DCXR: variants seen among roughly 807,000 people sequenced by gnomAD.
The protein encoded by DCXR is dicarbonyl and L-xylulose reductase, also known as L-xylulose reductase.
In DCXR, 24 loss-of-function variants were observed where a neutral mutation model predicts 25.9. That is an observed-to-expected ratio of 0.93 (90% CI 0.67 to 1.30). The LOEUF (loss-of-function observed/expected upper bound fraction) is 1.30. Among genes scored for constraint, DCXR ranks in the 50% most tolerant of loss-of-function variants. The pLI is 0.00. For missense variants in DCXR, 348 were observed against 333.7 expected (o/e 1.04, Z -0.33); for synonymous variants, 161 against 141.7 (o/e 1.14, Z -0.97).
chr17:82,036,835 G>A lies in DCXR; in HGVS notation c.305+24C>T, dbSNP rs370766420. ...TCCTCCAGGACAGCCCCTCCCTGAG[G>A]TTCCTCCGCCCTCACAGGCTCACCT... On this transcript the variant is annotated intron_variant, in intron 3 of 7. Coordinates refer to ENST00000306869, the MANE Select transcript of DCXR (RefSeq NM_016286.4). 1.3e-4 allele frequency: 216 copies of A among 1,613,450 alleles called. 1 individual carries two copies. In the African/African-American group the frequency reaches 2.8e-3, roughly 21 times the overall value.
Position 82,037,505 on chromosome 17 carries a change from G to C in DCXR, c.95C>G (p.Ala32Gly), listed in dbSNP as rs971293117. ...AGTCCGGCTCACAGCCACCACCCGC[G>C]CGCCCGTCGCGTGCAGCGCCTGGAC... ...GTVQALHATG[A>G]RVVAVSRTQA... Residue 32 changes from alanine to glycine, a missense_variant, in exon 2 of 8, where the codon GCG becomes GGG. Physicochemically the swap from Ala to Gly is moderately conservative, Grantham distance 60. Transcript: ENST00000306869. The C allele has an allele frequency of 1.9e-6, 3 of 1,540,082 alleles. No individual in the cohort carries two copies. The East Asian group carries it at 7.3e-5, about 38-fold the overall frequency.
intron 2 of DCXR, 178 bp downstream of exon 2, chr17:82,037,272 C>T (rs185471269): frequency 3.5e-5 from 32 of 912,854 alleles, no homozygotes; most frequent in East Asian, 1.9e-4. Flanking sequence ...CTCTGCCGAC[C>T]ACCCGGCCGC....
Position 82,037,366 on chromosome 17 carries a change from G to C in DCXR, c.150+84C>G, listed in dbSNP as rs547570842. 192 of 1,361,728 alleles carry C rather than the reference G, an allele frequency of 1.4e-4. 4 individuals carry two copies. The South Asian group carries it at 2.4e-3, about 17-fold the overall frequency. The allele number at this position is 1,361,728 out of a possible 1,614,324, so 84.4% of individuals were successfully genotyped here. A position where few individuals can be genotyped will look rare whatever the true frequency, so the allele number is the denominator to read the frequency against. On this transcript the variant is annotated intron_variant, in intron 2 of 7. Transcript: ENST00000306869. ...CGCAGCGCCCGCGAGGGGAGGCGGA[G>C]TCGCGCACAGAGGTACCGCCCCCGC...
Position 82,036,740 on chromosome 17 carries a change from G to T in DCXR, c.329C>A (p.Ala110Glu), listed in dbSNP as rs771131569. Residue 110 changes from alanine (A) to glutamate (E), a missense_variant, in exon 4 of 8, where the codon GCG becomes GAG. Physicochemically the swap from Ala to Glu is moderately radical, Grantham distance 107. Coordinates refer to ENST00000306869, the MANE Select transcript of DCXR (RefSeq NM_016286.4). The part of the protein sequence containing the change: ...FDRSFEVNLR[A>E]VIQVSQIVAR... ...GCTCACCTGCGACACCTGGATGACC[G>T]CACGCAGGTTCACCTCAAAGGATCT... 4.3e-6 allele frequency: 7 copies of T among 1,613,476 alleles called. No individual in the cohort carries two copies. The highest frequency in any genetic ancestry group is 5.1e-6 in the Non-Finnish European group (6 of 1,179,972).
rs781551153 is a variant in DCXR at position 82,036,305 on chromosome 17, G to A, written c.517C>T (p.Arg173Ter). The A allele has an allele frequency of 1.6e-5, 22 of 1,403,472 alleles. No individual in the cohort carries two copies. The highest frequency in any genetic ancestry group is 2.8e-5 in the East Asian group (1 of 36,356). The allele number at this position is 1,403,472 out of a possible 1,614,324, so 86.9% of individuals were successfully genotyped here. ...MALELGPHKI[R>*]VNAVNPTVVM... Reference sequence around the variant, plus strand: ...ACTGTGGGGTTTACTGCATTCACTCGGATCTACACCGGGACAGCTGGGGTC... The same window carrying A: ...ACTGTGGGGTTTACTGCATTCACTCAGATCTACACCGGGACAGCTGGGGTC... The change falls in exon 7 of 8, where the codon CGA becomes TGA. Residue 173 changes from arginine to a stop codon, truncating the protein, a stop_gained. Coordinates refer to ENST00000306869, the MANE Select transcript of DCXR (RefSeq NM_016286.4). LOFTEE classifies it high-confidence loss of function.
chr17:82,036,344 G>C lies in DCXR; in HGVS notation c.514-36C>G. The C allele has an allele frequency of 3.1e-6, 5 of 1,613,186 alleles. No individual in the cohort carries two copies. In the South Asian group the frequency reaches 5.5e-5, roughly 18 times the overall value. On this transcript the variant is annotated intron_variant, in intron 6 of 7. Coordinates refer to ENST00000306869, the MANE Select transcript of DCXR (RefSeq NM_016286.4). ...ACAGCTGGGGTCAGCAGGGCAAGTG[G>C]GGTGTCCTAGGTTGGGGGAGGTACC...
In DCXR at chr17:82,037,558, C is replaced by T; in HGVS notation, c.53-11G>A. The T allele has an allele frequency of 6.5e-7, 1 of 1,544,000 alleles. No homozygotes were observed. On this transcript the variant is annotated splice_polypyrimidine_tract_variant and intron_variant, in intron 1 of 7. Coordinates refer to ENST00000306869, the MANE Select transcript of DCXR (RefSeq NM_016286.4). The stretch of plus-strand genomic sequence containing the variant: ...TGCCGCGCCCTATACCTGCCGGGAG[C>T]GGGCTCAGTGAAGGCGTCCCCTGCC...
Position 82,036,739 on chromosome 17 carries a change from C to T in DCXR, c.330G>A (p.Ala110=), listed in dbSNP as rs369458736. 3.7e-5 allele frequency: 60 copies of T among 1,613,458 alleles called. No homozygotes were observed. The highest frequency in any genetic ancestry group is 6.7e-5 in the African/African-American group (5 of 74,882). ...FDRSFEVNLR[A]VIQVSQIVAR... is the part of the protein sequence containing the mutation. ...AGCTCACCTGCGACACCTGGATGAC[C>T]GCACGCAGGTTCACCTCAAAGGATC... The change falls in exon 4 of 8, where the codon GCG becomes GCA. Residue 110 remains alanine (A), a synonymous_variant. Transcript: ENST00000306869.
rs371112705 is a variant in DCXR, at chr17:82,036,763, T to C, written c.306A>G (p.Arg102=). The C allele has an allele frequency of 1.9e-6, 3 of 1,613,520 alleles. No homozygotes were observed. The highest frequency in any genetic ancestry group is 2.5e-6 in the Non-Finnish European group (3 of 1,179,984). ...CCGCACGCAGGTTCACCTCAAAGGATCTAGAGGCCGAGGGACAGACCCTGG... is the reference window on the plus strand; with the variant it reads ...CCGCACGCAGGTTCACCTCAAAGGACCTAGAGGCCGAGGGACAGACCCTGG... ...FLEVTKEAFD[R]SFEVNLRAVI... Residue 102 remains arginine, a splice_region_variant and synonymous_variant, in exon 4 of 8, where the codon AGA becomes AGG. Coordinates refer to ENST00000306869, the MANE Select transcript of DCXR (RefSeq NM_016286.4).
At position 82,037,430 on chromosome 17, in the gene DCXR, T is replaced by G. The variant is rs2043505373; in HGVS notation, c.150+20A>C. The G allele has an allele frequency of 3.9e-6, 6 of 1,521,398 alleles. No homozygotes were observed. The highest frequency in any genetic ancestry group is 5.3e-6 in the Non-Finnish European group (6 of 1,142,116). The allele number at this position is 1,521,398 out of a possible 1,614,324, so 94.2% of individuals were successfully genotyped here. ...CTCCTGGCTCGCCGCCTCGCAGCGC[T>G]GGGACCCGGCGGGACCTACCTCGCG... On this transcript the variant is annotated intron_variant, in intron 2 of 7. Coordinates refer to ENST00000306869, the MANE Select transcript of DCXR (RefSeq NM_016286.4).
At chr17:82,037,392 T>A (rs1042037288) in intron 2 of DCXR, 58 bp downstream of exon 2, 1 of 1,482,360 alleles carries the variant, frequency 6.7e-7, no homozygotes, top group Non-Finnish European at 9.0e-7. Flanking sequence ...CCGCCCCCGC[T>A]CGCTGCCGCC....
chr17:82,036,708 C>A lies in DCXR; in HGVS notation c.348+13G>T. ...CTCACGAGAATTCCCGTCCAGCCCA[C>A]AGGGCAGCTCACCTGCGACACCTGG... On this transcript the variant is annotated intron_variant, in intron 4 of 7. Coordinates refer to ENST00000306869, the MANE Select transcript of DCXR (RefSeq NM_016286.4). The A allele has an allele frequency of 6.2e-7, 1 of 1,613,636 alleles. No homozygotes were observed. Among genetic ancestry groups the A allele is most frequent in the Non-Finnish European group, 8.5e-7 (1 of 1,180,014 alleles).
In DCXR at chr17:82,037,435, C is replaced by T; in HGVS notation, c.150+15G>A. On this transcript the variant is annotated intron_variant, in intron 2 of 7. Coordinates refer to ENST00000306869, the MANE Select transcript of DCXR (RefSeq NM_016286.4). Reference sequence around the variant, plus strand: ...GGCTCGCCGCCTCGCAGCGCTGGGACCCGGCGGGACCTACCTCGCGGACAA... The same window carrying T: ...GGCTCGCCGCCTCGCAGCGCTGGGATCCGGCGGGACCTACCTCGCGGACAA... 1 of 1,522,584 alleles carries T rather than the reference C, an allele frequency of 6.6e-7. No individual in the cohort carries two copies. Among genetic ancestry groups the T allele is most frequent in the Non-Finnish European group, 8.8e-7 (1 of 1,142,654 alleles). The allele number at this position is 1,522,584 out of a possible 1,614,324, so 94.3% of individuals were successfully genotyped here.
chr17:82,036,096 G>A (rs772419492), intron 7 of DCXR, 33 bp from the exon 8 acceptor site: 4 of 1,608,976 alleles, frequency 2.5e-6, no homozygotes, highest in African/African-American at 2.7e-5. Context: ...GGGCATAGAG[G>A]AAGGAGGCTG....
At position 82,037,637 on chromosome 17, in the gene DCXR, C is replaced by T. The variant is rs1451444988; in HGVS notation, c.46G>A (p.Gly16Ser). 1.3e-6 allele frequency: 2 copies of T among 1,587,560 alleles called. No individual in the cohort carries two copies. Among genetic ancestry groups the T allele is most frequent in the Non-Finnish European group, 8.5e-7 (1 of 1,174,612 alleles). The change falls in exon 1 of 8, where the codon GGC (glycine) becomes AGC (serine). Residue 16 changes from glycine to serine, a missense_variant. Transcript: ENST00000306869. ...AGRRVLVTGA[G>S]KGIGRGTVQA... Reference sequence around the variant, plus strand: ...ACCTTTCCCCGCCGCCCACCTTTGCCTGCCCCGGTGACCAGCACCCGGCGG... The same window carrying T: ...ACCTTTCCCCGCCGCCCACCTTTGCTTGCCCCGGTGACCAGCACCCGGCGG...
In DCXR at chr17:82,036,975, G is replaced by C; in HGVS notation, c.189C>G (p.Asp63Glu). 3.2e-6 allele frequency: 5 copies of C among 1,586,266 alleles called. No homozygotes were observed. Among genetic ancestry groups the C allele is most frequent in the Non-Finnish European group, 4.3e-6 (5 of 1,167,192 alleles). Reference protein sequence around the residue: ...GIEPVCVDLGDWEATERALGS... With the variant: ...GIEPVCVDLGEWEATERALGS... The stretch of plus-strand genomic sequence containing the variant: ...CCAGCGCCCGCTCGGTGGCCTCCCA[G>C]TCACCCAGGTCCACGCACACGGGTT... The change falls in exon 3 of 8, where the codon GAC (aspartate) becomes GAG (glutamate). Residue 63 changes from aspartate (D) to glutamate (E), a missense_variant. Coordinates refer to ENST00000306869, the MANE Select transcript of DCXR (RefSeq NM_016286.4).
In DCXR at chr17:82,036,659, G is replaced by C. The variant is rs371674068; in HGVS notation, c.349-16C>G. On this transcript the variant is annotated splice_polypyrimidine_tract_variant and intron_variant, in intron 4 of 7. Transcript: ENST00000306869. ...TGGCCACAATCTGGAATCGCAGCGA[G>C]ACCGTGAGGCAGAGCTGGCATCACT... is the stretch of plus-strand genomic sequence containing the variant. 1.5e-5 allele frequency: 24 copies of C among 1,613,276 alleles called. No homozygotes were observed. In the African/African-American group the frequency reaches 2.7e-4, roughly 18 times the overall value.
At chr17:82,036,803 T>G (rs2043496675) in intron 3 of DCXR, 40 bp from the exon 4 acceptor site, 1 of 1,613,532 alleles carries the variant, frequency 6.2e-7, no homozygotes, top group Non-Finnish European at 8.5e-7. Context: ...AGATTAGGGC[T>G]GCTGCGTCCT....
In DCXR at chr17:82,036,749, T is replaced by C; in HGVS notation, c.320A>G (p.Asn107Ser). ...KEAFDRSFEV[N>S]LRAVIQVSQI... ...CGACACCTGGATGACCGCACGCAGG[T>C]TCACCTCAAAGGATCTAGAGGCCGA... The change falls in exon 4 of 8, where the codon AAC (asparagine) becomes AGC (serine). Residue 107 changes from asparagine to serine, a missense_variant. Transcript: ENST00000306869. 6.2e-7 allele frequency: 1 copy of C among 1,613,542 alleles called. No homozygotes were observed. The highest frequency in any genetic ancestry group is 8.5e-7 in the Non-Finnish European group (1 of 1,180,004).
Sources: allele counts gnomAD v4.1 joint callset, GRCh38; gene constraint gnomAD v4.1.1; transcripts MANE v1.5; gene names NCBI Gene and HGNC (gene_info 2026-07-23, HGNC 2026-07-21).